Variants in PSD2 observed in about 807,000 individuals in gnomAD.
The protein encoded by PSD2 is pleckstrin and Sec7 domain containing 2.
A neutral mutation model predicts 69.8 loss-of-function variants in PSD2; 38 were observed. The ratio of observed to expected loss-of-function variants is 0.54; its 90% CI spans 0.42 to 0.71. PSD2 has a LOEUF of 0.71. PSD2 is among the 30% of genes least tolerant of loss of function. The probability of loss-of-function intolerance (pLI) is 0.00; values close to 1 mark genes in which losing one functional copy is unlikely to be tolerated. For missense variants in PSD2, 943 were observed against 1,014.5 expected, an observed-to-expected ratio of 0.93 and a Z score of 0.96; for synonymous variants, 412 against 423.0, an observed-to-expected ratio of 0.97 and a Z score of 0.32.
chr5:139,753,293 G>A, the PSD2 span, among the ~76,000 whole-genome samples: 1 of 152,158 alleles, frequency 6.6e-6, no homozygotes, highest in Non-Finnish European at 1.5e-5. Context: ...GCAGGGTATA[G>A]GAAAGCCTCC....
chr5:139,827,615 G>A (rs931769331), intron 7 of PSD2, among the ~76,000 whole-genome samples: 1 of 152,178 alleles, frequency 6.6e-6, no homozygotes, highest in Non-Finnish European at 1.5e-5. Flanking sequence ...CCTGAGACTG[G>A]GTAATTTGTA....
upstream of PSD2, among the ~76,000 whole-genome samples, chr5:139,794,945 G>A (rs1352182224): frequency 6.6e-6 from 1 of 152,116 alleles, no homozygotes. Context: ...TGAGGGGGGC[G>A]GCTTCAGGGC....
At position 139,814,512 on chromosome 5, in the gene PSD2, C is replaced by T. The variant is rs1760069676; in HGVS notation, c.1016+148C>T. ...CAAGGACACCTCCTCCCGCCACTGT[C>T]CTCATTCCTGGCCTCGCCCTAAATC... is the stretch of plus-strand genomic sequence containing the variant. On this transcript the variant is annotated intron_variant, in intron 4 of 14. Coordinates refer to ENST00000274710, the MANE Select transcript of PSD2 (RefSeq NM_032289.4). The surrounding 1 kb of genome is among the most constrained non-coding windows in gnomAD (Gnocchi z 4.4). 2.9e-6 allele frequency: 2 copies of T among 699,268 alleles called. No homozygotes were observed. The highest frequency in any genetic ancestry group is 2.2e-6 in the Non-Finnish European group (1 of 444,626). The allele number at this position is 699,268 out of a possible 1,614,324, so 43.3% of individuals were successfully genotyped here.
chr5:139,766,833 T>TCTCTC, the PSD2 span, among the ~76,000 whole-genome samples: 10 of 46,396 alleles, frequency 2.2e-4, no homozygotes, highest in East Asian at 8.5e-4. Context: ...CCTTCCTTCT[T>TCTCTC]TCTTTCTTTC....
chr5:139,795,624 C>T (rs1759498748), upstream of PSD2, among the ~76,000 whole-genome samples: 1 of 151,894 alleles, frequency 6.6e-6, no homozygotes, highest in Non-Finnish European at 1.5e-5. The surrounding 1 kb of genome is among the most constrained non-coding windows in gnomAD (Gnocchi z 4.5). Flanking sequence ...GGGCCGCGCT[C>T]TCCCCGGCAC....
intron 1 of PSD2, among the ~76,000 whole-genome samples, chr5:139,806,147 G>A (rs972881221): frequency 3.9e-5 from 6 of 152,258 alleles, no homozygotes; most frequent in African/African-American, 9.6e-5. Flanking sequence ...CCTGCCTGGA[G>A]AGGGGCTTGG....
chr5:139,826,928 G>A (rs1581730792), intron 7 of PSD2, among the ~76,000 whole-genome samples: 1 of 152,202 alleles, frequency 6.6e-6, no homozygotes, highest in Admixed American at 6.5e-5. Flanking sequence ...TGTCTTCTTA[G>A]GAGCTGGAGT....
the PSD2 span, chr5:139,746,354 C>A: frequency 2.6e-5 from 4 of 152,234 alleles, no homozygotes; most frequent in Non-Finnish European, 5.9e-5. This position sits in a 1 kb window ranked among gnomAD's most constrained non-coding sequence, Gnocchi z 4.5. Flanking sequence ...ACGCCCTGAA[C>A]GAAACTTCAA....
At chr5:139,803,974 A>G (rs1039807307) in intron 1 of PSD2, among the ~76,000 whole-genome samples, 1 of 152,144 alleles carries the variant, frequency 6.6e-6, no homozygotes, top group Non-Finnish European at 1.5e-5. Context: ...CCTACTGCCC[A>G]TGCTGCCAGT....
chr5:139,823,950 G>T (rs1385966005), intron 7 of PSD2, among the ~76,000 whole-genome samples: 2 of 152,174 alleles, frequency 1.3e-5, no homozygotes, highest in African/African-American at 4.8e-5. Flanking sequence ...GCGTCAGGAA[G>T]AGCAAATATG....
chr5:139,770,569 AAAAC>A, the PSD2 span, among the ~76,000 whole-genome samples: 16 of 152,158 alleles, frequency 1.1e-4, no homozygotes, highest in African/African-American at 3.1e-4. Flanking sequence ...CCGTGTCAAA[AAAAC>A]AAACAAACAA....
upstream of PSD2, among the ~76,000 whole-genome samples, chr5:139,792,939 GTCTT>G (rs1759445872): frequency 1.1e-5 from 1 of 87,816 alleles, no homozygotes. Context: ...CTTTCTTTCT[GTCTT>G]TCTTTCTTCT....
In PSD2 at chr5:139,809,492, C is replaced by A. The variant is rs146689892; in HGVS notation, c.52C>A (p.Arg18Ser). The change falls in exon 2 of 15, where the codon CGT becomes AGT. Residue 18 changes from arginine to serine, a missense_variant. Around this residue, in one of 3 missense-constraint regions of PSD2, gnomAD observed 466 missense variants for 445.0 expected, o/e 1.05. Coordinates refer to ENST00000274710, the MANE Select transcript of PSD2 (RefSeq NM_032289.4). ...SAVPEEGDAT[R>S]DPGPEPEEEP... ...AGTGCCTGAGGAAGGCGATGCCACC[C>A]GTGACCCCGGTCCAGAGCCTGAAGA... 2 of 1,612,560 alleles carry A rather than the reference C, an allele frequency of 1.2e-6. No homozygotes were observed. The highest frequency in any genetic ancestry group is 1.7e-6 in the Non-Finnish European group (2 of 1,179,392).
chr5:139,814,144 C>G lies in PSD2; in HGVS notation c.822-26C>G. 1 of 1,607,530 alleles carries G rather than the reference C, an allele frequency of 6.2e-7. No homozygotes were observed. Among genetic ancestry groups the G allele is most frequent in the Non-Finnish European group, 8.5e-7 (1 of 1,177,518 alleles). ...CTTTGACCCTGGGCCTCTGACGCTA[C>G]TCTTCCACCCACCTTCCATCTGCAG... On this transcript the variant is annotated intron_variant, in intron 3 of 14. Transcript: ENST00000274710. The surrounding 1 kb of genome is among the most constrained non-coding windows in gnomAD (Gnocchi z 4.4).
chr5:139,837,206 G>T lies in PSD2; in HGVS notation c.1633G>T (p.Val545Leu). Residue 545 changes from valine (V) to leucine (L), a missense_variant, in exon 11 of 15, where the codon GTG becomes TTG. Transcript: ENST00000274710. This position sits in a 1 kb window ranked among gnomAD's most constrained non-coding sequence, Gnocchi z 5.0. ...GRRGWKKFYA[V>L]LKGTILYLQK... ...GCGTGGCTGGAAGAAATTCTACGCA[G>T]TGCTCAAAGGGACCATCCTGTACCT... 1 of 1,614,062 alleles carries T rather than the reference G, an allele frequency of 6.2e-7. No homozygotes were observed. The highest frequency in any genetic ancestry group is 8.5e-7 in the Non-Finnish European group (1 of 1,179,918).
At chr5:139,825,674 C>T (rs1482998067) in intron 7 of PSD2, among the ~76,000 whole-genome samples, 3 of 125,302 alleles carry the variant, frequency 2.4e-5, no homozygotes, top group African/African-American at 6.3e-5. Flanking sequence ...GGGGAAGAAA[C>T]TTCTGTGTGG....
chr5:139,809,455 G>T lies in PSD2; in HGVS notation c.15G>T (p.Lys5Asn). MEED[K>N]LLSAVPEEGD... ...CAGTGGCTGCCATGGAGGAGGACAA[G>T]CTCTTATCTGCAGTGCCTGAGGAAG... The change falls in exon 2 of 15, where the codon AAG (lysine) becomes AAT (asparagine). Residue 5 changes from lysine (K) to asparagine (N), a missense_variant. Coordinates refer to ENST00000274710, the MANE Select transcript of PSD2 (RefSeq NM_032289.4). 1 of 1,611,700 alleles carries T rather than the reference G, an allele frequency of 6.2e-7. No individual in the cohort carries two copies.
At chr5:139,748,765 CCACCGCAT>C in the PSD2 span, among the ~76,000 whole-genome samples, 1 of 152,272 alleles carries the variant, frequency 6.6e-6, no homozygotes, top group Non-Finnish European at 1.5e-5. Flanking sequence ...GGCTCCGCGG[CCACCGCAT>C]CGAGCGGCTC....
At chr5:139,828,170 G>A (rs945956455) in intron 7 of PSD2, among the ~76,000 whole-genome samples, 1 of 152,046 alleles carries the variant, frequency 6.6e-6, no homozygotes, top group Non-Finnish European at 1.5e-5. Context: ...AATTGGAGAC[G>A]GAGACCAGGA....
Sources: allele counts gnomAD v4.1 joint callset (sites outside exome capture counted in the v4.1 genomes callset), GRCh38; gene constraint gnomAD v4.1.1; regional missense constraint gnomAD v4.1.1; non-coding constraint Gnocchi (gnomAD v3.1); transcripts MANE v1.5; gene names NCBI Gene and HGNC (gene_info 2026-07-23, HGNC 2026-07-21).